Variants in DOCK11 observed in about 807,000 individuals in gnomAD.
DOCK11 encodes the protein dedicator of cytokinesis protein 11.
DOCK11 carries 70 observed loss-of-function variants against 169.1 expected under a neutral mutation model. The ratio of observed to expected loss-of-function variants is 0.41; its 90% CI spans 0.34 to 0.51. The LOEUF (loss-of-function observed/expected upper bound fraction) is 0.51. DOCK11 is among the 20% of genes least tolerant of loss of function. The probability of loss-of-function intolerance (pLI) is 0.10; values close to 1 mark genes in which losing one functional copy is unlikely to be tolerated. For missense variants in DOCK11, 1,166 were observed against 1,538.8 expected (o/e 0.76, Z 4.05); for synonymous variants, 529 against 541.3 (o/e 0.98, Z 0.32).
In DOCK11 at chrX:118,624,527, A is replaced by G. The variant is rs1335104812; in HGVS notation, c.3472-12A>G. 6 of 1,111,411 alleles carry G rather than the reference A, an allele frequency of 5.4e-6. No individual in the cohort carries two copies. Among genetic ancestry groups the G allele is most frequent in the Non-Finnish European group, 7.4e-6 (6 of 807,452 alleles). 91.6% of individuals were successfully genotyped at this position (1,111,411 alleles called of 1,213,427 possible). On this transcript the variant is annotated splice_polypyrimidine_tract_variant and intron_variant, in intron 31 of 52. Transcript: ENST00000276202. The stretch of plus-strand genomic sequence containing the variant: ...TTATATACGTATTAAGCTTTCAATA[A>G]TTATTTTTCAGAACCAACAAGCCAA...
chrX:118,663,701 AG>A (rs1403521698), intron 45 of DOCK11, among the ~76,000 whole-genome samples: 4 of 67,334 alleles, frequency 5.9e-5, no homozygotes, highest in Non-Finnish European at 1.1e-4. Flanking sequence ...TTTTTTATGG[AG>A]TCTCGCTATG....
intron 23 of DOCK11, among the ~76,000 whole-genome samples, chrX:118,604,377 G>A (rs2014432396): frequency 9.0e-6 from 1 of 111,378 alleles, no homozygotes; most frequent in African/African-American, 3.3e-5. Flanking sequence ...GGGTCTTGAA[G>A]ACAGATAGTG....
rs1309961226 is a variant in DOCK11, at chrX:118,647,963, TATATA to T, written c.4399-979_4399-975del. Among the ~76,000 whole-genome samples, 95 of 47,066 alleles carry T rather than the reference TATATA, an allele frequency of 2.0e-3. 3 individuals carry two copies. In the South Asian group the frequency reaches 0.022, roughly 11 times the overall value. 40.9% of individuals were successfully genotyped at this position (47,066 alleles called of 115,157 possible). The stretch of plus-strand genomic sequence containing the variant: ...TTTTATAATATATAATAATATATAA[TATATA>T]ATTATATATAATATATAATAATATA... On this transcript the variant is annotated intron_variant, in intron 40 of 52. Coordinates refer to ENST00000276202, the MANE Select transcript of DOCK11 (RefSeq NM_144658.4).
rs1022262242 is a variant in DOCK11, at chrX:118,657,532, T to A, written c.4969+2571T>A. On this transcript the variant is annotated intron_variant, in intron 44 of 52. Coordinates refer to ENST00000276202, the MANE Select transcript of DOCK11 (RefSeq NM_144658.4). ...ATTTTTAAACCTGGAAAATTCTATT[T>A]GCCTAAATTAGAAAACCTTATTCTA... Among the ~76,000 whole-genome samples, 8 of 112,132 alleles carry A rather than the reference T, an allele frequency of 7.1e-5. No homozygotes were observed. In the South Asian group the frequency reaches 2.5e-3, roughly 36 times the overall value.
intron 1 of DOCK11, among the ~76,000 whole-genome samples, chrX:118,515,086 A>G (rs773086616): frequency 9.0e-5 from 10 of 110,967 alleles, no homozygotes; most frequent in African/African-American, 2.6e-4. Context: ...CATCACTCCA[A>G]TCTCTGCCTC....
chrX:118,553,755 A>T (rs1316308666), intron 6 of DOCK11, among the ~76,000 whole-genome samples: 1 of 112,152 alleles, frequency 8.9e-6, no homozygotes, highest in African/African-American at 3.2e-5. Flanking sequence ...GTGTGTTAGA[A>T]CAAAAGGAAG....
intron 46 of DOCK11, among the ~76,000 whole-genome samples, chrX:118,672,563 G>A (rs1227446526): frequency 8.9e-6 from 1 of 112,754 alleles, no homozygotes; most frequent in Non-Finnish European, 1.9e-5. Context: ...CTCCTGAGTA[G>A]CTGGGATTAC....
intron 1 of DOCK11, among the ~76,000 whole-genome samples, chrX:118,512,251 A>G (rs191127631): frequency 2.0e-3 from 222 of 112,221 alleles, no homozygotes; most frequent in Admixed American, 0.01. Context: ...AGGAGGTAGG[A>G]GGAATGGTGG....
intron 23 of DOCK11, among the ~76,000 whole-genome samples, chrX:118,600,421 A>AAAAAAAG (rs779371070): frequency 1.9e-5 from 2 of 105,529 alleles, no homozygotes; most frequent in African/African-American, 6.9e-5. Flanking sequence ...AAAAAAAAAA[A>AAAAAAAG]AAAGAAAAAA....
intron 1 of DOCK11, 106 bp from the exon 2 acceptor site, chrX:118,542,619 T>C (rs906103192): frequency 3.5e-6 from 2 of 577,327 alleles, no homozygotes; most frequent in African/African-American, 4.6e-5. Context: ...TACTTAAAAG[T>C]ATCAGTAATC....
chrX:118,551,790 G>A (rs1185085668), intron 6 of DOCK11, among the ~76,000 whole-genome samples: 1 of 111,520 alleles, frequency 9.0e-6, no homozygotes, highest in Non-Finnish European at 1.9e-5. Context: ...TGTTTTGCTG[G>A]ACATTTTGAC....
intron 1 of DOCK11, among the ~76,000 whole-genome samples, chrX:118,519,483 G>A (rs1038474823): frequency 9.8e-5 from 11 of 112,047 alleles, no homozygotes; most frequent in Non-Finnish European, 1.9e-4. Context: ...CTGGGAGGTG[G>A]AGGTTGCAGT....
intron 45 of DOCK11, among the ~76,000 whole-genome samples, chrX:118,666,384 C>T (rs745446669): frequency 3.6e-5 from 4 of 112,390 alleles, no homozygotes; most frequent in African/African-American, 3.2e-5. Context: ...CCCATTCCTT[C>T]GGGAAAGGTT....
At chrX:118,647,623 T>A (rs764511832) in intron 40 of DOCK11, among the ~76,000 whole-genome samples, 8,111 of 61,570 alleles carry the variant, frequency 0.13, 588 homozygotes, top group Non-Finnish European at 0.15. Context: ...ATATATAAGA[T>A]ATATTATATG....
chrX:118,648,182 A>ATATATAATATAATATATAATATTATATAT (rs1569441277), intron 40 of DOCK11, among the ~76,000 whole-genome samples: 129 of 74,231 alleles, frequency 1.7e-3, no homozygotes, highest in African/African-American at 7.2e-3. Context: ...TATAATAGTA[A>ATATATAATATAATATATAATATTATATAT]TATATAATAA....
chrX:118,520,302 C>T (rs1380824264), intron 1 of DOCK11, among the ~76,000 whole-genome samples: 4 of 112,384 alleles, frequency 3.6e-5, no homozygotes, highest in African/African-American at 1.3e-4. Flanking sequence ...TTGCTGGCAG[C>T]ATTAAGGCTC....
At chrX:118,535,951 A>G (rs1189828171) in intron 1 of DOCK11, among the ~76,000 whole-genome samples, 3 of 111,604 alleles carry the variant, frequency 2.7e-5, no homozygotes, top group Non-Finnish European at 5.6e-5. Flanking sequence ...AGATGGTCAC[A>G]TTTGGAACAA....
At chrX:118,603,980 C>T (rs1248738251) in intron 23 of DOCK11, among the ~76,000 whole-genome samples, 1 of 112,178 alleles carries the variant, frequency 8.9e-6, no homozygotes, top group Non-Finnish European at 1.9e-5. Context: ...TGATACTCTA[C>T]GCCAGGATTT....
chrX:118,619,482 A>AAC (rs2014910701), intron 31 of DOCK11, among the ~76,000 whole-genome samples: 3 of 59,924 alleles, frequency 5.0e-5, no homozygotes, highest in African/African-American at 1.6e-4. Flanking sequence ...CTCTGTCTCA[A>AAC]AAAAAAAAAA....
Sources: allele counts gnomAD v4.1 joint callset (sites outside exome capture counted in the v4.1 genomes callset), GRCh38; gene constraint gnomAD v4.1.1; transcripts MANE v1.5; gene names NCBI Gene and HGNC (gene_info 2026-07-23, HGNC 2026-07-21).